SOX6: variants seen among roughly 807,000 people sequenced by gnomAD.
The protein encoded by SOX6 is transcription factor SOX-6.
In SOX6, 11 loss-of-function variants were observed where a neutral mutation model predicts 97.8. The observed-to-expected ratio is 0.11, with a 90% confidence interval of 0.07 to 0.19. SOX6 has a LOEUF of 0.19. Ranked by LOEUF, SOX6 falls within the 10% of genes least tolerant of loss-of-function variation. SOX6 has a pLI of 1.00. For synonymous variants in SOX6, 360 were observed against 371.4 expected (o/e 0.97, Z 0.35); for missense variants, 810 against 1,039.5 (o/e 0.78, Z 3.04).
At chr11:16,701,313 C>T (rs1288857872) in intron 3 of SOX6, among the ~76,000 whole-genome samples, 1 of 152,004 alleles carries the variant, frequency 6.6e-6, no homozygotes, top group Non-Finnish European at 1.5e-5. Context: ...CTGTTTCCTA[C>T]GTAAAATGGG....
chr11:15,975,711 A>T (rs1338840795), intron 15 of SOX6, among the ~76,000 whole-genome samples: 3 of 152,180 alleles, frequency 2.0e-5, no homozygotes, highest in African/African-American at 7.2e-5. Flanking sequence ...AGTTTCAGAA[A>T]ATTCAAGCTG....
intron 3 of SOX6, among the ~76,000 whole-genome samples, chr11:16,255,168 T>TTTTA: frequency 6.6e-6 from 1 of 152,140 alleles, no homozygotes; most frequent in African/African-American, 2.4e-5. Flanking sequence ...TAGTTGAAGA[T>TTTTA]TTTAACACCC....
intron 4 of SOX6, among the ~76,000 whole-genome samples, chr11:16,190,892 C>T (rs1357306425): frequency 1.3e-5 from 2 of 152,110 alleles, no homozygotes; most frequent in African/African-American, 4.8e-5. Flanking sequence ...TGCAGATTTT[C>T]CTGTTTTAAT....
chr11:16,197,587 T>C (rs1302592092), intron 4 of SOX6, among the ~76,000 whole-genome samples: 2 of 152,238 alleles, frequency 1.3e-5, no homozygotes, highest in Admixed American at 1.3e-4. Flanking sequence ...TAGTTAAATA[T>C]AGCTGGATAA....
At chr11:16,671,821 G>C (rs1847849706) in intron 3 of SOX6, among the ~76,000 whole-genome samples, 2 of 152,310 alleles carry the variant, frequency 1.3e-5, no homozygotes, top group South Asian at 4.1e-4. Flanking sequence ...TTCTACACAA[G>C]AATATCATCC....
intron 3 of SOX6, among the ~76,000 whole-genome samples, chr11:16,295,869 T>C (rs1855067269): frequency 6.6e-6 from 1 of 152,108 alleles, no homozygotes; most frequent in Non-Finnish European, 1.5e-5. Flanking sequence ...AAGGAATAGC[T>C]GAAATTCAAA....
At chr11:16,198,390 T>C (rs898876447) in intron 4 of SOX6, among the ~76,000 whole-genome samples, 2 of 152,122 alleles carry the variant, frequency 1.3e-5, no homozygotes, top group African/African-American at 4.8e-5. Context: ...TATGCAATAA[T>C]TGTAGATTAT....
intron 3 of SOX6, among the ~76,000 whole-genome samples, chr11:16,277,155 T>C (rs1260225974): frequency 6.6e-6 from 1 of 152,062 alleles, no homozygotes; most frequent in Non-Finnish European, 1.5e-5. Flanking sequence ...CCCCCAGAAT[T>C]CATATGCTGA....
chr11:16,113,190 G>A (rs1849270420), intron 6 of SOX6, among the ~76,000 whole-genome samples: 3 of 151,804 alleles, frequency 2.0e-5, no homozygotes, highest in East Asian at 1.9e-4. Context: ...AAGAGGTTTC[G>A]TTTACCAACA....
chr11:16,544,093 C>T (rs1847587489), intron 4 of SOX6, among the ~76,000 whole-genome samples: 1 of 152,028 alleles, frequency 6.6e-6, no homozygotes. Context: ...AGAAAACATG[C>T]TAAGCAAAAG....
chr11:16,126,050 T>C (rs1016988437), intron 6 of SOX6, among the ~76,000 whole-genome samples: 3 of 152,082 alleles, frequency 2.0e-5, no homozygotes, highest in African/African-American at 7.2e-5. Flanking sequence ...ATTAGGTCTG[T>C]TCCTTTCTAG....
chr11:16,115,042 T>A (rs1564962430), intron 6 of SOX6, among the ~76,000 whole-genome samples: 1 of 152,224 alleles, frequency 6.6e-6, no homozygotes. Flanking sequence ...TAAATTCATT[T>A]CTGTTCATCA....
intron 4 of SOX6, among the ~76,000 whole-genome samples, chr11:16,201,622 A>AT (rs774189588): frequency 0.012 from 1,590 of 133,544 alleles, 60 homozygotes; most frequent in Middle Eastern, 0.044. Context: ...TTTGCAAAGT[A>AT]TTTTTTTTTT....
intron 13 of SOX6, among the ~76,000 whole-genome samples, chr11:16,003,455 A>C (rs185980273): frequency 6.6e-6 from 1 of 152,172 alleles, no homozygotes; most frequent in Admixed American, 6.5e-5. Flanking sequence ...CCTCCATCTT[A>C]ACATTTGCCA....
intron 6 of SOX6, among the ~76,000 whole-genome samples, chr11:16,146,560 C>A (rs1230556235): frequency 2.0e-5 from 3 of 152,092 alleles, no homozygotes; most frequent in Non-Finnish European, 2.9e-5. Flanking sequence ...TCAGAGTGAA[C>A]AGGCAACCTA....
At chr11:16,243,089 A>G (rs1347196986) in intron 3 of SOX6, among the ~76,000 whole-genome samples, 1 of 151,926 alleles carries the variant, frequency 6.6e-6, no homozygotes, top group African/African-American at 2.4e-5. Context: ...GCCTACATCA[A>G]ATGCCAACTC....
At chr11:16,614,841 T>C (rs1023922635) in intron 3 of SOX6, among the ~76,000 whole-genome samples, 3 of 152,214 alleles carry the variant, frequency 2.0e-5, no homozygotes, top group Non-Finnish European at 4.4e-5. Context: ...TCTATTTATT[T>C]CAAGAAAATG....
chr11:16,157,945 C>T (rs1850645510), intron 6 of SOX6, among the ~76,000 whole-genome samples: 1 of 151,942 alleles, frequency 6.6e-6, no homozygotes, highest in South Asian at 2.1e-4. Context: ...ATTAAATGCT[C>T]TTCCTCTGCA....
chr11:16,716,821 A>G (rs1259672762), intron 2 of SOX6, among the ~76,000 whole-genome samples: 4 of 152,110 alleles, frequency 2.6e-5, no homozygotes, highest in Admixed American at 6.5e-5. Flanking sequence ...AAATTGTATG[A>G]TTCTATTTAA....
Sources: allele counts gnomAD v4.1 joint callset (sites outside exome capture counted in the v4.1 genomes callset), GRCh38; gene constraint gnomAD v4.1.1; transcripts MANE v1.5; gene names NCBI Gene and HGNC (gene_info 2026-07-23, HGNC 2026-07-21).